The following LDLRAD4 variants were observed in gnomAD, a reference collection of about 807,000 sequenced individuals.
LDLRAD4 encodes the protein low-density lipoprotein receptor class A domain-containing protein 4.
Under a neutral mutation model 17.0 loss-of-function variants are expected in LDLRAD4, and 5 were observed. The ratio of observed to expected loss-of-function variants is 0.29; its 90% CI spans 0.15 to 0.62. The LOEUF is 0.62. Among genes scored for constraint, LDLRAD4 ranks in the 20% least tolerant of loss-of-function variants. The pLI is 0.84. For synonymous variants in LDLRAD4, 168 were observed against 171.8 expected (o/e 0.98, Z 0.17); for missense variants, 340 against 424.7 (o/e 0.80, Z 1.75).
chr18:13,503,085 T>G (rs1472178486), intron 3 of LDLRAD4, among the ~76,000 whole-genome samples: 5 of 152,240 alleles, frequency 3.3e-5, no homozygotes, highest in Non-Finnish European at 5.9e-5. Flanking sequence ...ATTCTGTCTC[T>G]TGTGGTTTAT....
At position 13,243,144 on chromosome 18, in the gene LDLRAD4, T is replaced by G. The variant is rs1598857379; in HGVS notation, c.-467+24156T>G. On this transcript the variant is annotated intron_variant, in intron 1 of 5. Coordinates refer to the LDLRAD4 transcript ENST00000399848. Reference sequence around the variant, plus strand: ...TTTTCCAGTCAGGCCATGTTTTCTTTGGGAGTGTTTTACAGCTGGACTTTC... The same window carrying G: ...TTTTCCAGTCAGGCCATGTTTTCTTGGGGAGTGTTTTACAGCTGGACTTTC... Among the ~76,000 whole-genome samples, 4 of 152,378 alleles carry G rather than the reference T, an allele frequency of 2.6e-5. No homozygotes were observed. In the South Asian group the frequency reaches 8.3e-4, roughly 32 times the overall value.
At chr18:13,593,307 C>T (rs948051948) in intron 3 of LDLRAD4, among the ~76,000 whole-genome samples, 3 of 152,270 alleles carry the variant, frequency 2.0e-5, no homozygotes, top group South Asian at 2.1e-4. Context: ...AGGGAGACTG[C>T]GTCTTAAAAA....
At chr18:13,377,083 G>C (rs1005915069) in intron 1 of LDLRAD4, among the ~76,000 whole-genome samples, 2 of 152,172 alleles carry the variant, frequency 1.3e-5, no homozygotes, top group African/African-American at 2.4e-5. Context: ...GCATCGAGTC[G>C]GGACTACCCG....
At chr18:13,573,261 C>T (rs1400930364) in intron 3 of LDLRAD4, among the ~76,000 whole-genome samples, 5 of 151,840 alleles carry the variant, frequency 3.3e-5, no homozygotes, top group Admixed American at 2.6e-4. Context: ...CCCACCACCA[C>T]GCCCCACTAA....
chr18:13,309,754 G>T (rs1428603602), intron 1 of LDLRAD4, among the ~76,000 whole-genome samples: 1 of 152,146 alleles, frequency 6.6e-6, no homozygotes, highest in East Asian at 1.9e-4. Context: ...ACAGTGAGGG[G>T]TGAAGGAAAG....
intron 1 of LDLRAD4, among the ~76,000 whole-genome samples, chr18:13,386,773 C>T (rs1324657082): frequency 6.6e-6 from 1 of 152,100 alleles, no homozygotes; most frequent in Non-Finnish European, 1.5e-5. Flanking sequence ...ATTTTTAGGC[C>T]AGGCATGGTG....
At chr18:13,270,585 T>C (rs2044477213) in intron 1 of LDLRAD4, among the ~76,000 whole-genome samples, 1 of 152,214 alleles carries the variant, frequency 6.6e-6, no homozygotes. Flanking sequence ...GATCCAGGAC[T>C]TTATTTGCAA....
intron 1 of LDLRAD4, among the ~76,000 whole-genome samples, chr18:13,282,463 G>A (rs2045338936): frequency 6.6e-6 from 1 of 152,188 alleles, no homozygotes; most frequent in South Asian, 2.1e-4. Flanking sequence ...TTACAAATGG[G>A]AGAAATTGGC....
chr18:13,568,298 A>G (rs1263359052), intron 3 of LDLRAD4, among the ~76,000 whole-genome samples: 1 of 151,746 alleles, frequency 6.6e-6, no homozygotes, highest in African/African-American at 2.4e-5. Context: ...CGTTTACAAA[A>G]AAAAAAAAAA....
At chr18:13,247,960 C>CT (rs34516593) in intron 1 of LDLRAD4, among the ~76,000 whole-genome samples, 4,085 of 131,932 alleles carry the variant, frequency 0.031, 228 homozygotes, top group African/African-American at 0.095. Flanking sequence ...CGCCCCCCGC[C>CT]TTTTTTTTTT....
At chr18:13,459,767 A>G (rs11661042) in intron 3 of LDLRAD4, among the ~76,000 whole-genome samples, 36,071 of 152,164 alleles carry the variant, frequency 0.24, 4,740 homozygotes, top group Middle Eastern at 0.4. Context: ...GTCTATAGAA[A>G]GATATTGCTT....
chr18:13,468,620 A>G lies in LDLRAD4; in HGVS notation c.181+30236A>G, dbSNP rs560456220. 1.3e-4 allele frequency among the ~76,000 whole-genome samples: 20 copies of G among 152,206 alleles called. 1 individual carries two copies. The South Asian group carries it at 4.2e-3, about 32-fold the overall frequency. Reference sequence around the variant, plus strand: ...CAACCCAAATGTCCAACAACGATAGACTGGATTAAGAAAATGTGGCACATA... The same window carrying G: ...CAACCCAAATGTCCAACAACGATAGGCTGGATTAAGAAAATGTGGCACATA... On this transcript the variant is annotated intron_variant, in intron 3 of 5. Coordinates refer to ENST00000359446, the Ensembl canonical transcript of LDLRAD4.
intron 1 of LDLRAD4, among the ~76,000 whole-genome samples, chr18:13,318,210 C>T (rs2081032357): frequency 6.6e-6 from 1 of 152,190 alleles, no homozygotes; most frequent in Non-Finnish European, 1.5e-5. Flanking sequence ...CCTCCTTCCC[C>T]TGCTGCCTGT....
intron 3 of LDLRAD4, among the ~76,000 whole-genome samples, chr18:13,577,006 C>G (rs1239918794): frequency 6.6e-6 from 1 of 152,178 alleles, no homozygotes; most frequent in Non-Finnish European, 1.5e-5. Context: ...GGTGTCTTGA[C>G]CCAACACTTA....
intron 2 of LDLRAD4, among the ~76,000 whole-genome samples, chr18:13,431,528 T>A (rs999443044): frequency 1.7e-4 from 26 of 152,330 alleles, no homozygotes; most frequent in African/African-American, 6.3e-4. Flanking sequence ...GAAGGGTAAT[T>A]GCAGGTCTGT....
upstream of LDLRAD4, among the ~76,000 whole-genome samples, chr18:13,277,938 C>T (rs62097323): frequency 0.14 from 21,692 of 152,128 alleles, 1,898 homozygotes; most frequent in Admixed American, 0.27. Context: ...CTTCTCTCTT[C>T]CTTCCCTTTA....
chr18:13,295,573 A>C (rs933006740), intron 1 of LDLRAD4, among the ~76,000 whole-genome samples: 3 of 152,198 alleles, frequency 2.0e-5, no homozygotes, highest in Non-Finnish European at 4.4e-5. Context: ...GAAGAAGCAG[A>C]ATGTGTTTTA....
chr18:13,445,590 G>T (rs1038987437), intron 3 of LDLRAD4, among the ~76,000 whole-genome samples: 3 of 151,348 alleles, frequency 2.0e-5, no homozygotes, highest in African/African-American at 7.3e-5. Flanking sequence ...ATGCGTGAGG[G>T]TCTATGGTAC....
At chr18:13,625,617 C>T (rs975562390) in intron 4 of LDLRAD4, among the ~76,000 whole-genome samples, 2 of 152,150 alleles carry the variant, frequency 1.3e-5, no homozygotes, top group Non-Finnish European at 2.9e-5. Flanking sequence ...GTGCCCAGCT[C>T]AGCCAGTTCT....
Sources: allele counts gnomAD v4.1 joint callset (sites outside exome capture counted in the v4.1 genomes callset), GRCh38; gene constraint gnomAD v4.1.1; transcripts MANE v1.5; gene names NCBI Gene and HGNC (gene_info 2026-07-23, HGNC 2026-07-21).